The following MYH11 variants were observed in gnomAD, a reference collection of about 807,000 sequenced individuals.
MYH11 encodes the protein myosin-11.
In MYH11, 80 loss-of-function variants were observed where a neutral mutation model predicts 246.6. That is an observed-to-expected ratio of 0.32 (90% confidence interval 0.27 to 0.39). MYH11 has a LOEUF of 0.39. Ranked by LOEUF, MYH11 falls within the 10% of genes least tolerant of loss-of-function variation. The probability of loss-of-function intolerance (pLI) is 1.00; values close to 1 mark genes in which losing one functional copy is unlikely to be tolerated. For synonymous variants in MYH11, 1,071 were observed against 1,015.5 expected, an observed-to-expected ratio of 1.05 and a Z score of -1.04; for missense variants, 2,158 against 2,546.8, an observed-to-expected ratio of 0.85 and a Z score of 3.29.
intron 27 of MYH11, among the ~76,000 whole-genome samples, chr16:15,730,615 A>G (rs2040932518): frequency 6.6e-6 from 1 of 152,140 alleles, no homozygotes; most frequent in Admixed American, 6.6e-5. Flanking sequence ...TACACTAGTG[A>G]TAGAACCAAA....
In MYH11 at chr16:15,750,470, G is replaced by T; in HGVS notation, c.1865-139C>A. Reference sequence around the variant, plus strand: ...CACCAACGCCTCCTTCGGCAGTCAGGGTTTCCAAGTATTGTCTATTGGGGA... The same window carrying T: ...CACCAACGCCTCCTTCGGCAGTCAGTGTTTCCAAGTATTGTCTATTGGGGA... On this transcript the variant is annotated intron_variant, in intron 15 of 40. Coordinates refer to ENST00000300036, the MANE Select transcript of MYH11 (RefSeq NM_002474.3). The surrounding 1 kb of genome is among the most constrained non-coding windows in gnomAD (Gnocchi z 4.3). 1.2e-6 allele frequency: 1 copy of T among 841,888 alleles called. No homozygotes were observed. Among genetic ancestry groups the T allele is most frequent in the Non-Finnish European group, 1.9e-6 (1 of 530,076 alleles). The allele number at this position is 841,888 out of a possible 1,614,324, so 52.2% of individuals were successfully genotyped here.
At chr16:15,843,780 A>C (rs1179337706) in intron 1 of MYH11, among the ~76,000 whole-genome samples, 1 of 152,086 alleles carries the variant, frequency 6.6e-6, no homozygotes, top group Non-Finnish European at 1.5e-5. Flanking sequence ...TAAAACCATT[A>C]GGCCAATGGG....
rs770184382 is a variant in MYH11 at position 15,738,545 on chromosome 16, T to A, written c.3121+20A>T. Reference sequence around the variant, plus strand: ...AATAATAAAATAAAATAAAAATAAATCTCTTGGTAGCTGGTTTACCTTCCA... The same window carrying A: ...AATAATAAAATAAAATAAAAATAAAACTCTTGGTAGCTGGTTTACCTTCCA... On this transcript the variant is annotated intron_variant, in intron 24 of 40. Transcript: ENST00000300036. 6 of 1,597,642 alleles carry A rather than the reference T, an allele frequency of 3.8e-6. No homozygotes were observed. The highest frequency in any genetic ancestry group is 3.4e-4 in the Middle Eastern group (2 of 5,946).
chr16:15,836,634 A>G (rs1343689849), intron 2 of MYH11, among the ~76,000 whole-genome samples: 1 of 151,868 alleles, frequency 6.6e-6, no homozygotes, highest in Non-Finnish European at 1.5e-5. Flanking sequence ...TCCTGACCTC[A>G]GGTGATCCAC....
At chr16:15,781,144 G>A (rs2042344046) in intron 6 of MYH11, among the ~76,000 whole-genome samples, 1 of 152,216 alleles carries the variant, frequency 6.6e-6, no homozygotes, top group Admixed American at 6.5e-5. Context: ...GAGCTCAAGT[G>A]ATCTGCCCGC....
intron 31 of MYH11, 73 bp from the exon 32 acceptor site, chr16:15,721,707 G>T: frequency 6.7e-7 from 1 of 1,498,808 alleles, no homozygotes. Context: ...AATACCGGGG[G>T]AAGCCCTGTG....
chr16:15,804,734 T>C (rs1298969876), intron 3 of MYH11, among the ~76,000 whole-genome samples: 3 of 152,206 alleles, frequency 2.0e-5, no homozygotes, highest in African/African-American at 4.8e-5. Flanking sequence ...CTATTCTAGA[T>C]ATTTTTGCAT....
At position 15,838,099 on chromosome 16, in the gene MYH11, C is replaced by G; in HGVS notation, c.154G>C (p.Glu52Gln). ...ACAACCACCTCATCCCCCTTCTCCT[C>G]CTTAATGCTGGCTGCCTCGAAGCCC... ...KQGFEAASIK[E>Q]EKGDEVVVEL... The change falls in exon 2 of 41, where the codon GAG becomes CAG. Residue 52 changes from glutamate to glutamine, a missense_variant. Coordinates refer to ENST00000300036, the MANE Select transcript of MYH11 (RefSeq NM_002474.3). 13 of 1,614,138 alleles carry G rather than the reference C, an allele frequency of 8.1e-6. No homozygotes were observed. The highest frequency in any genetic ancestry group is 1.1e-5 in the Non-Finnish European group (13 of 1,180,040).
chr16:15,724,101 A>G, intron 31 of MYH11, 60 bp downstream of exon 31: 2 of 1,608,516 alleles, frequency 1.2e-6, no homozygotes, highest in Middle Eastern at 2.2e-4. Flanking sequence ...CATACTCTGC[A>G]GAGCTGATTC....
chr16:15,789,170 T>A lies in MYH11; in HGVS notation c.531-2438A>T, dbSNP rs547812854. Among the ~76,000 whole-genome samples, 3 of 152,170 alleles carry A rather than the reference T, an allele frequency of 2.0e-5. No homozygotes were observed. The East Asian group carries it at 5.8e-4, about 29-fold the overall frequency. ...CAGCAAAGAAGGGATACAGTCAGAATGGAAAGTCAGGTCTCTGATTCTAAT... is the reference window on the plus strand; with the variant it reads ...CAGCAAAGAAGGGATACAGTCAGAAAGGAAAGTCAGGTCTCTGATTCTAAT... On this transcript the variant is annotated intron_variant, in intron 4 of 40. Coordinates refer to ENST00000300036, the MANE Select transcript of MYH11 (RefSeq NM_002474.3).
At chr16:15,761,218 C>T (rs1483713337) in intron 10 of MYH11, among the ~76,000 whole-genome samples, 4 of 152,098 alleles carry the variant, frequency 2.6e-5, no homozygotes, top group African/African-American at 9.7e-5. Context: ...TCAAGCAATT[C>T]TCCTGCCTCA....
At position 15,750,585 on chromosome 16, in the gene MYH11, C is replaced by T. The variant is rs1474636976; in HGVS notation, c.1865-254G>A. 6.6e-6 allele frequency among the ~76,000 whole-genome samples: 1 copy of T among 152,232 alleles called. No individual in the cohort carries two copies. Among genetic ancestry groups the T allele is most frequent in the Non-Finnish European group, 1.5e-5 (1 of 68,050 alleles). On this transcript the variant is annotated intron_variant, in intron 15 of 40. Transcript: ENST00000300036. This position sits in a 1 kb window ranked among gnomAD's most constrained non-coding sequence, Gnocchi z 4.3. ...GAGTCAAGCCTGCTCTCGCTGTCCA[C>T]TCACTGACTAGCCTTGGCTTGGCAC... is the stretch of plus-strand genomic sequence containing the variant.
chr16:15,800,562 G>T (rs1267539840), intron 3 of MYH11, among the ~76,000 whole-genome samples: 1 of 151,620 alleles, frequency 6.6e-6, no homozygotes, highest in Admixed American at 6.6e-5. Context: ...TGGGTGAATG[G>T]GAGGGAGGAC....
intron 37 of MYH11, 23 bp from the exon 38 acceptor site, chr16:15,717,371 T>C (rs1019597519): frequency 6.2e-7 from 1 of 1,602,082 alleles, no homozygotes; most frequent in African/African-American, 1.3e-5. Context: ...GTGAAGGCCA[T>C]GAGGCGGACT....
At chr16:15,783,758 C>A (rs931763072) in intron 5 of MYH11, among the ~76,000 whole-genome samples, 5 of 152,116 alleles carry the variant, frequency 3.3e-5, no homozygotes, top group Non-Finnish European at 7.4e-5. Flanking sequence ...AAAGTCTTGG[C>A]AAGAGAGCTT....
In MYH11 at chr16:15,703,684, G is replaced by C. The variant is rs1241349835; in HGVS notation, c.*307C>G. On this transcript the variant is annotated 3_prime_UTR_variant, in exon 41 of 41. Coordinates refer to ENST00000300036, the MANE Select transcript of MYH11 (RefSeq NM_002474.3). The stretch of plus-strand genomic sequence containing the variant: ...GCTCATTGCAGCCTCGAAGTCCTGG[G>C]CTGGAGCGTTCTTCCTGGCTCAGCC... 2.2e-6 allele frequency: 1 copy of C among 454,562 alleles called. No individual in the cohort carries two copies. Among genetic ancestry groups the C allele is most frequent in the African/African-American group, 2.0e-5 (1 of 51,044 alleles). The allele number at this position is 454,562 out of a possible 1,614,324, so 28.2% of individuals were successfully genotyped here. A position where few individuals can be genotyped will look rare whatever the true frequency, so the allele number is the denominator to read the frequency against.
chr16:15,809,980 T>TTCAC (rs2043101594), intron 3 of MYH11, among the ~76,000 whole-genome samples: 1 of 152,086 alleles, frequency 6.6e-6, no homozygotes, highest in African/African-American at 2.4e-5. Context: ...GCTTTTCAGG[T>TTCAC]TCACTCCCTT....
rs1017904847 is a variant in MYH11 at position 15,823,258 on chromosome 16, G to C, written c.499C>G (p.Gln167Glu). The C allele has an allele frequency of 6.2e-7, 1 of 1,614,202 alleles. No individual in the cohort carries two copies. Among genetic ancestry groups the C allele is most frequent in the African/African-American group, 1.3e-5 (1 of 75,064 alleles). The change falls in exon 3 of 41, where the codon CAA becomes GAA. Residue 167 changes from glutamine (Q) to glutamate (E), a missense_variant. This residue lies in a region of MYH11 where 123 missense variants were observed against 207.1 expected (regional missense o/e 0.59). Coordinates refer to ENST00000300036, the MANE Select transcript of MYH11 (RefSeq NM_002474.3). Reference sequence around the variant, plus strand: ...GTGCAGCCCTGAGTTCACTCACCTTGAAGCATGCTCCGGTAGGCCGTGTCT... The same window carrying C: ...GTGCAGCCCTGAGTTCACTCACCTTCAAGCATGCTCCGGTAGGCCGTGTCT... ...IADTAYRSML[Q>E]DREDQSILCT...
intron 3 of MYH11, among the ~76,000 whole-genome samples, chr16:15,804,430 G>A (rs1193340885): frequency 1.3e-5 from 2 of 152,122 alleles, no homozygotes; most frequent in Non-Finnish European, 2.9e-5. Context: ...GCTGAGGCAG[G>A]AGAATCGCGT....
Sources: allele counts gnomAD v4.1 joint callset (sites outside exome capture counted in the v4.1 genomes callset), GRCh38; gene constraint gnomAD v4.1.1; regional missense constraint gnomAD v4.1.1; non-coding constraint Gnocchi (gnomAD v3.1); transcripts MANE v1.5; gene names NCBI Gene and HGNC (gene_info 2026-07-23, HGNC 2026-07-21).